The following RNF111 variants were observed in gnomAD, a reference collection of about 807,000 sequenced individuals.
The protein encoded by RNF111 is E3 ubiquitin-protein ligase Arkadia.
In RNF111, 17 loss-of-function variants were observed where a neutral mutation model predicts 95.1. The ratio of observed to expected loss-of-function variants is 0.18; its 90% CI spans 0.12 to 0.27. The LOEUF (loss-of-function observed/expected upper bound fraction) is 0.27. RNF111 is among the 10% of genes least tolerant of loss of function. RNF111 has a pLI of 1.00. For missense variants in RNF111, 1,189 were observed against 1,210.4 expected (o/e 0.98, Z 0.26); for synonymous variants, 440 against 414.8 (o/e 1.06, Z -0.74).
rs554360826 is a variant in RNF111 at position 59,059,495 on chromosome 15, T to G, written c.1366+945T>G. ...TAGAGTTACCATTGGATGCACTAAGTCTACTCCTTAGTTATCTTCCCAAAA... is the reference window on the plus strand; with the variant it reads ...TAGAGTTACCATTGGATGCACTAAGGCTACTCCTTAGTTATCTTCCCAAAA... On this transcript the variant is annotated intron_variant, in intron 5 of 13. Coordinates refer to ENST00000348370, the MANE Select transcript of RNF111 (RefSeq NM_017610.8). Among the ~76,000 whole-genome samples, 13 of 152,350 alleles carry G rather than the reference T, an allele frequency of 8.5e-5. No homozygotes were observed. In the East Asian group the frequency reaches 2.3e-3, roughly 27 times the overall value.
chr15:59,086,529 G>C (rs1354933565), intron 10 of RNF111, among the ~76,000 whole-genome samples: 1 of 152,228 alleles, frequency 6.6e-6, no homozygotes, highest in African/African-American at 2.4e-5. Context: ...CATTGCGTTT[G>C]CTGTTTGTAT....
At chr15:58,991,693 G>T (rs776134644) in intron 1 of RNF111, among the ~76,000 whole-genome samples, 7 of 152,214 alleles carry the variant, frequency 4.6e-5, no homozygotes, top group Non-Finnish European at 8.8e-5. Flanking sequence ...AATGCATTAG[G>T]TGAGGTTTGA....
chr15:59,036,894 A>G lies in RNF111; in HGVS notation c.880+5192A>G, dbSNP rs1392987216. 4.6e-5 allele frequency among the ~76,000 whole-genome samples: 7 copies of G among 151,922 alleles called. No homozygotes were observed. The South Asian group carries it at 6.2e-4, about 13-fold the overall frequency. ...GTCCAGGTTGGAGTGCAGTGGTGCAATTATGACTCGCTGCAGCCTCAACCT... is the reference window on the plus strand; with the variant it reads ...GTCCAGGTTGGAGTGCAGTGGTGCAGTTATGACTCGCTGCAGCCTCAACCT... On this transcript the variant is annotated intron_variant, in intron 2 of 13. Transcript: ENST00000348370.
rs762937096 is a variant in RNF111, at chr15:59,076,060, G to A, written c.1793G>A (p.Arg598Gln). The change falls in exon 7 of 14, where the codon CGA becomes CAA. Residue 598 changes from arginine (R) to glutamine (Q), a missense_variant. Transcript: ENST00000348370. ...CCCTGCTGCCCTGTTTCTTCCTCCC[G>A]AGCTGCAATCTTTGGCCATCAGGCC... ...FDPCCPVSSSRAAIFGHQAAA... is the reference protein window; with the variant it reads ...FDPCCPVSSSQAAIFGHQAAA... 5.6e-6 allele frequency: 9 copies of A among 1,614,054 alleles called. No individual in the cohort carries two copies. The highest frequency in any genetic ancestry group is 2.7e-5 in the African/African-American group (2 of 74,984).
At chr15:59,081,647 C>A (rs1017495125) in intron 8 of RNF111, among the ~76,000 whole-genome samples, 5 of 152,124 alleles carry the variant, frequency 3.3e-5, no homozygotes, top group Non-Finnish European at 7.4e-5. Context: ...AATTTGAGCC[C>A]AGGAGTTCAA....
At chr15:59,093,237 G>A (rs1489571677) in intron 13 of RNF111, among the ~76,000 whole-genome samples, 4 of 151,144 alleles carry the variant, frequency 2.6e-5, no homozygotes, top group African/African-American at 9.7e-5. Context: ...TTGCAGAAAT[G>A]AGAATTTGAG....
At chr15:59,000,205 C>T (rs1830807267) in intron 1 of RNF111, among the ~76,000 whole-genome samples, 1 of 147,746 alleles carries the variant, frequency 6.8e-6, no homozygotes, top group Non-Finnish European at 1.5e-5. Flanking sequence ...TCTCTGTTAC[C>T]CAGGCTAGAG....
At chr15:59,090,538 G>A (rs1229249212) in intron 11 of RNF111, among the ~76,000 whole-genome samples, 1 of 151,864 alleles carries the variant, frequency 6.6e-6, no homozygotes, top group Non-Finnish European at 1.5e-5. Context: ...CCCCCGTTGT[G>A]TTTTTTTTAT....
intron 2 of RNF111, among the ~76,000 whole-genome samples, chr15:59,037,303 G>T (rs1256956358): frequency 6.6e-6 from 1 of 152,140 alleles, no homozygotes; most frequent in Non-Finnish European, 1.5e-5. Context: ...TTTCCCAGTT[G>T]CCAGTGAGGC....
chr15:59,039,697 C>G (rs1566901126), intron 2 of RNF111, among the ~76,000 whole-genome samples: 1 of 151,990 alleles, frequency 6.6e-6, no homozygotes, highest in South Asian at 2.1e-4. Context: ...GACCTAGAAA[C>G]AGCTATTCCT....
At chr15:59,021,677 A>G (rs1391102608) in intron 1 of RNF111, among the ~76,000 whole-genome samples, 1 of 152,196 alleles carries the variant, frequency 6.6e-6, no homozygotes, top group Non-Finnish European at 1.5e-5. Flanking sequence ...AGAGAGTACT[A>G]TGGCCAAGAT....
At chr15:59,037,634 C>T (rs12909361) in intron 2 of RNF111, among the ~76,000 whole-genome samples, 4 of 152,126 alleles carry the variant, frequency 2.6e-5, no homozygotes, top group South Asian at 2.1e-4. Context: ...GTCTGGAGTT[C>T]GAGACCAGCC....
intron 6 of RNF111, among the ~76,000 whole-genome samples, chr15:59,068,436 A>C (rs2142093701): frequency 6.6e-6 from 1 of 152,082 alleles, no homozygotes; most frequent in Middle Eastern, 3.4e-3. Context: ...GTGAAATCCC[A>C]TTTCTACTAA....
chr15:59,090,225 TTTGTTTG>T (rs1340579705), intron 11 of RNF111, among the ~76,000 whole-genome samples: 51 of 152,078 alleles, frequency 3.4e-4, no homozygotes, highest in African/African-American at 1.2e-3. Flanking sequence ...TGTTTGTTTG[TTTGTTTG>T]TTGTTGTTGT....
chr15:59,084,052 T>A, intron 8 of RNF111, 77 bp from the exon 9 acceptor site: 1 of 1,386,710 alleles, frequency 7.2e-7, no homozygotes, highest in Non-Finnish European at 9.5e-7. Context: ...ATACTAGGGA[T>A]TTTTTTCTAC....
At chr15:59,072,086 ATT>A (rs1288039734) in intron 6 of RNF111, among the ~76,000 whole-genome samples, 1 of 152,182 alleles carries the variant, frequency 6.6e-6, no homozygotes, top group African/African-American at 2.4e-5. Context: ...TTGCTAATAC[ATT>A]TTTTAAAAAT....
intron 2 of RNF111, among the ~76,000 whole-genome samples, chr15:59,037,349 T>C (rs1429045826): frequency 1.3e-5 from 2 of 152,332 alleles, no homozygotes; most frequent in Non-Finnish European, 1.5e-5. Flanking sequence ...TACTGCAATA[T>C]GTCAAGAACT....
intron 2 of RNF111, among the ~76,000 whole-genome samples, chr15:59,041,993 T>C (rs1482312334): frequency 1.3e-5 from 2 of 150,202 alleles, no homozygotes; most frequent in South Asian, 2.1e-4. Flanking sequence ...TGTTTTGATA[T>C]CAGGATACTG....
chr15:59,085,973 C>G (rs186428727), intron 10 of RNF111, among the ~76,000 whole-genome samples, 188 bp downstream of exon 10: 2 of 152,188 alleles, frequency 1.3e-5, no homozygotes, highest in Admixed American at 6.5e-5. Flanking sequence ...TGCATCATAA[C>G]ATGTACTCTT....
Sources: allele counts gnomAD v4.1 joint callset (sites outside exome capture counted in the v4.1 genomes callset), GRCh38; gene constraint gnomAD v4.1.1; transcripts MANE v1.5; gene names NCBI Gene and HGNC (gene_info 2026-07-23, HGNC 2026-07-21).